The following TOX3 variants were observed in gnomAD, a reference collection of about 807,000 sequenced individuals.
TOX3 encodes the protein CAG trinucleotide repeat-containing gene F9 protein.
In TOX3, 22 loss-of-function variants were observed where a neutral mutation model predicts 64.3. The observed-to-expected ratio is 0.34, with a 90% confidence interval of 0.24 to 0.49. The LOEUF is 0.49. TOX3 is among the 20% of genes least tolerant of loss of function. TOX3 has a pLI of 0.99. For synonymous variants in TOX3, 291 were observed against 273.6 expected (o/e 1.06, Z -0.63); for missense variants, 661 against 714.4 (o/e 0.93, Z 0.85).
intron 2 of TOX3, among the ~76,000 whole-genome samples, chr16:52,465,375 C>T (rs973289520): frequency 6.6e-6 from 1 of 151,154 alleles, no homozygotes; most frequent in Non-Finnish European, 1.5e-5. Context: ...ATCAGTGTTG[C>T]TCCACCCAAC....
At chr16:52,475,962 T>A (rs1270040485) in intron 1 of TOX3, among the ~76,000 whole-genome samples, 1 of 152,210 alleles carries the variant, frequency 6.6e-6, no homozygotes, top group East Asian at 1.9e-4. Context: ...GCCTAGTTCA[T>A]TTTAGACTAA....
intron 5 of TOX3, chr16:52,445,133 C>T (rs1445776150): frequency 6.6e-6 from 1 of 152,162 alleles, no homozygotes; most frequent in Non-Finnish European, 1.5e-5. Context: ...CAGTAATAAA[C>T]TCAGTGCAAA....
chr16:52,513,771 T>TA (rs1253525658), intron 1 of TOX3, among the ~76,000 whole-genome samples: 1 of 152,220 alleles, frequency 6.6e-6, no homozygotes, highest in Non-Finnish European at 1.5e-5. Flanking sequence ...TTTGACTCAT[T>TA]AAAAATAAAA....
At chr16:52,468,610 G>A (rs1260883615) in intron 1 of TOX3, 36 bp from the exon 2 acceptor site, 5 of 1,473,654 alleles carry the variant, frequency 3.4e-6, no homozygotes, top group Non-Finnish European at 3.8e-6. Flanking sequence ...TTAATATGCG[G>A]CATAATAAAG....
rs150337538 is a variant in TOX3 at position 52,479,543 on chromosome 16, A to G, written c.88-10969T>C. Among the ~76,000 whole-genome samples, 21 of 152,324 alleles carry G rather than the reference A, an allele frequency of 1.4e-4. No individual in the cohort carries two copies. The East Asian group carries it at 4.1e-3, about 29-fold the overall frequency. On this transcript the variant is annotated intron_variant, in intron 1 of 6. Transcript: ENST00000219746. ...TGCGTGTCTTCTCTTGTATTTGGCA[A>G]ACTACTGGGCATCTCTTATAAAATG...
chr16:52,467,635 C>A (rs1430088616), intron 2 of TOX3, among the ~76,000 whole-genome samples: 2 of 152,094 alleles, frequency 1.3e-5, no homozygotes, highest in African/African-American at 4.8e-5. Context: ...CCATTTGGGC[C>A]AATTTCACTT....
intron 1 of TOX3, among the ~76,000 whole-genome samples, chr16:52,481,313 A>G (rs1215441989): frequency 6.6e-6 from 1 of 152,208 alleles, no homozygotes; most frequent in Non-Finnish European, 1.5e-5. Flanking sequence ...ATAAACACCC[A>G]GTTGCTTTTT....
intron 6 of TOX3, among the ~76,000 whole-genome samples, chr16:52,443,632 G>T (rs948204061): frequency 6.6e-6 from 1 of 152,092 alleles, no homozygotes. Flanking sequence ...ATCTAGAAAG[G>T]CAAGAGAAAA....
chr16:52,479,481 A>C (rs1432407730), intron 1 of TOX3, among the ~76,000 whole-genome samples: 1 of 152,208 alleles, frequency 6.6e-6, no homozygotes, highest in South Asian at 2.1e-4. Context: ...ATAAAATTTG[A>C]GGCATAATTT....
At chr16:52,466,948 CT>C (rs1185347958) in intron 2 of TOX3, among the ~76,000 whole-genome samples, 1 of 152,130 alleles carries the variant, frequency 6.6e-6, no homozygotes, top group East Asian at 1.9e-4. Flanking sequence ...GACACACTGA[CT>C]TTGGTAACTG....
chr16:52,538,343 T>C (rs560451693), intron 1 of TOX3, among the ~76,000 whole-genome samples: 127 of 152,274 alleles, frequency 8.3e-4, no homozygotes, highest in African/African-American at 2.9e-3. Flanking sequence ...ACCTAGGAGA[T>C]TTTTTAAAGA....
intron 2 of TOX3, among the ~76,000 whole-genome samples, chr16:52,464,904 G>A (rs1960807970): frequency 6.6e-6 from 1 of 150,674 alleles, no homozygotes; most frequent in Non-Finnish European, 1.5e-5. Context: ...GATCTAGAGA[G>A]CATAGAGCTA....
intron 1 of TOX3, among the ~76,000 whole-genome samples, chr16:52,545,470 G>A (rs568889999): frequency 6.6e-6 from 1 of 152,204 alleles, no homozygotes; most frequent in Non-Finnish European, 1.5e-5. Flanking sequence ...ACGGGGCACA[G>A]CAAACTGTTC....
At position 52,464,061 on chromosome 16, in the gene TOX3, G is replaced by T. The variant is rs1421210462; in HGVS notation, c.281C>A (p.Pro94Gln). ...VLLPFQALSD[P>Q]LPSQGSEFTP... The stretch of plus-strand genomic sequence containing the variant: ...GAATTCACTTCCCTGGGAAGGCAAT[G>T]GATCGCTGAGGGCTTGAAAGGGTAG... The change falls in exon 3 of 7, where the codon CCA becomes CAA. Residue 94 changes from proline to glutamine, a missense_variant. Physicochemically the swap from Pro to Gln is moderately conservative, Grantham distance 76 (BLOSUM62 -1). Coordinates refer to ENST00000219746, the MANE Select transcript of TOX3 (RefSeq NM_001080430.4). 1.2e-6 allele frequency: 2 copies of T among 1,603,900 alleles called. No individual in the cohort carries two copies. Among genetic ancestry groups the T allele is most frequent in the East Asian group, 2.3e-5 (1 of 44,206 alleles).
At chr16:52,510,759 CAAAAAAAAA>C (rs71376169) in intron 1 of TOX3, among the ~76,000 whole-genome samples, 1 of 72,082 alleles carries the variant, frequency 1.4e-5, no homozygotes, top group African/African-American at 5.2e-5. Context: ...GACCCTGTCT[CAAAAAAAAA>C]AAAAAAAAAA....
chr16:52,491,193 A>C (rs1961675231), intron 1 of TOX3, among the ~76,000 whole-genome samples: 1 of 151,904 alleles, frequency 6.6e-6, no homozygotes. Flanking sequence ...TGCCAACCTC[A>C]TCACCTCTAC....
intron 2 of TOX3, among the ~76,000 whole-genome samples, chr16:52,467,389 A>G (rs1960900020): frequency 6.6e-6 from 1 of 152,206 alleles, no homozygotes; most frequent in South Asian, 2.1e-4. Context: ...GGTTAGAGAG[A>G]TGATGGTCAC....
chr16:52,490,092 C>T (rs951281058), intron 1 of TOX3, among the ~76,000 whole-genome samples: 7 of 152,022 alleles, frequency 4.6e-5, no homozygotes, highest in African/African-American at 1.2e-4. Context: ...GATTTTTTAA[C>T]GCAGTATGCC....
At chr16:52,519,519 A>G (rs1567347898) in intron 1 of TOX3, 2 of 1,546,496 alleles carry the variant, frequency 1.3e-6, no homozygotes, top group Non-Finnish European at 1.7e-6. Flanking sequence ...AATCCTCTCT[A>G]CCCTCTTCTG....
Sources: allele counts gnomAD v4.1 joint callset (sites outside exome capture counted in the v4.1 genomes callset), GRCh38; gene constraint gnomAD v4.1.1; transcripts MANE v1.5; gene names NCBI Gene and HGNC (gene_info 2026-07-23, HGNC 2026-07-21).